The following ZNF536 variants were observed in gnomAD, a reference collection of about 807,000 sequenced individuals.
ZNF536 encodes the protein zinc finger protein 536.
Under a neutral mutation model 84.5 loss-of-function variants are expected in ZNF536, and 13 were observed. The ratio of observed to expected loss-of-function variants is 0.15; its 90% CI spans 0.10 to 0.24. The LOEUF is 0.24. Among genes scored for constraint, ZNF536 ranks in the 10% least tolerant of loss-of-function variants. The probability of loss-of-function intolerance (pLI) is 1.00; values close to 1 mark genes in which losing one functional copy is unlikely to be tolerated. For missense variants in ZNF536, 1,536 were observed against 1,747.5 expected, an observed-to-expected ratio of 0.88 and a Z score of 2.16; for synonymous variants, 811 against 742.5, an observed-to-expected ratio of 1.09 and a Z score of -1.50.
chr19:30,366,264 T>C lies in ZNF536; in HGVS notation c.-3+13780T>C, dbSNP rs1276369636. 2.0e-5 allele frequency among the ~76,000 whole-genome samples: 3 copies of C among 152,204 alleles called. No homozygotes were observed. The East Asian group carries it at 5.8e-4, about 29-fold the overall frequency. ...CTTTCCCTTCTAAATTGCAAGACTC[T>C]TGAGAGTGGGCACCATGTTCTTCCG... On this transcript the variant is annotated intron_variant, in intron 3 of 5. Transcript: ENST00000585628.
chr19:30,331,072 A>G (rs1246960492), intron 2 of ZNF536, among the ~76,000 whole-genome samples: 1 of 152,044 alleles, frequency 6.6e-6, no homozygotes, highest in Admixed American at 6.6e-5. Flanking sequence ...GCTTGAGGCC[A>G]GGAGTTCAAG....
chr19:30,536,308 T>G (rs1458422321), intron 3 of ZNF536, among the ~76,000 whole-genome samples: 9 of 152,152 alleles, frequency 5.9e-5, no homozygotes. Flanking sequence ...GGAATCTTCC[T>G]CCAGGTGGTC....
At chr19:30,422,773 G>A (rs2051018165) in intron 1 of ZNF536, among the ~76,000 whole-genome samples, 2 of 150,572 alleles carry the variant, frequency 1.3e-5, no homozygotes, top group Admixed American at 6.6e-5. Flanking sequence ...CAACCATATA[G>A]CCATCGATCC....
chr19:30,472,824 T>G (rs1055323706), intron 2 of ZNF536, among the ~76,000 whole-genome samples: 1 of 152,104 alleles, frequency 6.6e-6, no homozygotes, highest in African/African-American at 2.4e-5. Context: ...TGTTGTCCAA[T>G]GCTGCAAGGA....
chr19:30,366,942 G>A (rs1306886478), intron 3 of ZNF536, among the ~76,000 whole-genome samples: 4 of 152,250 alleles, frequency 2.6e-5, no homozygotes, highest in Non-Finnish European at 5.9e-5. Flanking sequence ...CTGGGGAGGA[G>A]ACACTGAGTC....
At chr19:30,424,722 T>C (rs2051136509) in intron 1 of ZNF536, among the ~76,000 whole-genome samples, 1 of 152,158 alleles carries the variant, frequency 6.6e-6, no homozygotes, top group Admixed American at 6.5e-5. Context: ...ATGCCTAACA[T>C]AGCTAAAATC....
At chr19:30,388,532 C>T (rs538767855) in intron 1 of ZNF536, among the ~76,000 whole-genome samples, 77 of 152,218 alleles carry the variant, frequency 5.1e-4, no homozygotes, top group Admixed American at 1.4e-3. Flanking sequence ...CGGGGCTTGC[C>T]ATCCAGGTGC....
intron 2 of ZNF536, among the ~76,000 whole-genome samples, chr19:30,345,046 G>A (rs1348826274): frequency 6.6e-6 from 1 of 152,156 alleles, no homozygotes; most frequent in Admixed American, 6.5e-5. Flanking sequence ...CTACTAACTC[G>A]GTACCAGGCA....
intron 1 of ZNF536, among the ~76,000 whole-genome samples, chr19:30,247,787 A>G (rs1303854768): frequency 1.3e-5 from 2 of 152,204 alleles, no homozygotes; most frequent in African/African-American, 4.8e-5. Flanking sequence ...TGTGATCAAG[A>G]CACTGCACTC....
At chr19:30,255,033 A>G (rs2024835372) in intron 1 of ZNF536, among the ~76,000 whole-genome samples, 1 of 152,230 alleles carries the variant, frequency 6.6e-6, no homozygotes, top group Non-Finnish European at 1.5e-5. Flanking sequence ...AATGAGTTTG[A>G]TGATCTCGGC....
chr19:30,302,594 A>T (rs1711533918), intron 2 of ZNF536, among the ~76,000 whole-genome samples: 2 of 152,096 alleles, frequency 1.3e-5, no homozygotes, highest in Admixed American at 6.5e-5. Context: ...GGGCACTCTC[A>T]AGAGAAAGTG....
chr19:30,457,693 G>A (rs902360243), intron 2 of ZNF536, among the ~76,000 whole-genome samples: 1 of 152,368 alleles, frequency 6.6e-6, no homozygotes, highest in Admixed American at 6.5e-5. Flanking sequence ...AGACACATCA[G>A]GTGGTCAGGG....
At chr19:30,318,059 A>G (rs1391118142) in intron 2 of ZNF536, among the ~76,000 whole-genome samples, 1 of 152,222 alleles carries the variant, frequency 6.6e-6, no homozygotes, top group Admixed American at 6.5e-5. Flanking sequence ...CACGCAGGAT[A>G]CTGGCAGAAC....
chr19:30,612,457 G>T (rs1459486190), intron 1 of ZNF536, among the ~76,000 whole-genome samples: 1 of 152,142 alleles, frequency 6.6e-6, no homozygotes, highest in Non-Finnish European at 1.5e-5. Flanking sequence ...TCTCACTGAG[G>T]TCTCTGGATA....
rs566220534 is a variant in ZNF536 at position 30,347,566 on chromosome 19, G to A, written c.-119-4802G>A. Reference sequence around the variant, plus strand: ...TCTACAGATGAAGAAATGGAGGCTCGGGGTCAGGATGTGACTTATCAGCAG... The same window carrying A: ...TCTACAGATGAAGAAATGGAGGCTCAGGGTCAGGATGTGACTTATCAGCAG... On this transcript the variant is annotated intron_variant, in intron 2 of 5. Transcript: ENST00000585628. Among the ~76,000 whole-genome samples the A allele has an allele frequency of 2.4e-4, 37 of 152,228 alleles. 1 individual carries two copies. The South Asian group carries it at 5.8e-3, about 24-fold the overall frequency.
intron 1 of ZNF536, among the ~76,000 whole-genome samples, chr19:30,255,412 A>G (rs561029993): frequency 6.6e-6 from 1 of 151,470 alleles, no homozygotes; most frequent in South Asian, 2.1e-4. Context: ...TACATTTTAC[A>G]CAGAAGCACA....
intron 2 of ZNF536, among the ~76,000 whole-genome samples, chr19:30,297,910 C>A (rs865800252): frequency 7.1e-4 from 97 of 136,748 alleles, no homozygotes; most frequent in Admixed American, 1.6e-3. Flanking sequence ...GAGTCCCCCC[C>A]CCCTCTGTCG....
At chr19:30,497,989 C>T (rs984879216) in intron 2 of ZNF536, among the ~76,000 whole-genome samples, 1 of 152,194 alleles carries the variant, frequency 6.6e-6, no homozygotes, top group South Asian at 2.1e-4. Flanking sequence ...GGAGAAATCG[C>T]AGTCCTCTTC....
chr19:30,330,855 G>C (rs1449844177), intron 2 of ZNF536, among the ~76,000 whole-genome samples: 1 of 152,186 alleles, frequency 6.6e-6, no homozygotes, highest in African/African-American at 2.4e-5. Flanking sequence ...AGCCAGCAGA[G>C]AGTTAGGACC....
Sources: gnomAD v4.1 joint callset for allele counts (sites outside exome capture counted in the v4.1 genomes callset) on GRCh38, gnomAD v4.1.1 for gene constraint, MANE v1.5 for transcripts, NCBI Gene and HGNC (gene_info 2026-07-23, HGNC 2026-07-21) for gene names.